Variants in DPP10 observed in about 807,000 individuals in gnomAD.
DPP10 encodes dipeptidyl peptidase like 10.
DPP10 carries 33 observed loss-of-function variants against 120.9 expected under a neutral mutation model. The observed-to-expected ratio is 0.27, with a 90% CI of 0.21 to 0.37. The LOEUF (loss-of-function observed/expected upper bound fraction) is 0.37, where lower values mean the gene tolerates loss of function less well. Among genes scored for constraint, DPP10 ranks in the 10% least tolerant of loss-of-function variants. The probability of loss-of-function intolerance (pLI) is 1.00; values close to 1 mark genes in which losing one functional copy is unlikely to be tolerated. For missense variants in DPP10, 816 were observed against 942.8 expected (o/e 0.87, Z 1.76); for synonymous variants, 337 against 326.1 (o/e 1.03, Z -0.36).
intron 1 of DPP10, among the ~76,000 whole-genome samples, chr2:115,305,730 C>T (rs1368946778): frequency 6.6e-6 from 1 of 151,500 alleles, no homozygotes; most frequent in African/African-American, 2.4e-5. Context: ...AGAGCAAGAC[C>T]CTCTCTCTAA....
intron 5 of DPP10, among the ~76,000 whole-genome samples, chr2:115,545,014 T>G (rs929605064): frequency 1.3e-5 from 2 of 152,012 alleles, no homozygotes; most frequent in Non-Finnish European, 2.9e-5. Context: ...CAGTGATTTT[T>G]ATGTCAGAGG....
At chr2:115,478,658 T>C (rs570326803) in intron 3 of DPP10, among the ~76,000 whole-genome samples, 40 of 152,220 alleles carry the variant, frequency 2.6e-4, no homozygotes, top group African/African-American at 7.5e-4. Flanking sequence ...ATATCTATGG[T>C]AAGGGATTAA....
chr2:115,761,165 G>T (rs1454411775), intron 11 of DPP10, among the ~76,000 whole-genome samples: 1 of 151,180 alleles, frequency 6.6e-6, no homozygotes, highest in Non-Finnish European at 1.5e-5. Flanking sequence ...CCAACACTTT[G>T]GGAGGCCAAG....
At chr2:114,572,109 C>G (rs1187690663) in intron 1 of DPP10, among the ~76,000 whole-genome samples, 1 of 151,620 alleles carries the variant, frequency 6.6e-6, no homozygotes, top group Non-Finnish European at 1.5e-5. Flanking sequence ...CTCACATACA[C>G]AAACATGTAT....
chr2:115,446,393 T>C (rs2072591268), intron 3 of DPP10, among the ~76,000 whole-genome samples: 1 of 152,070 alleles, frequency 6.6e-6, no homozygotes, highest in African/African-American at 2.4e-5. Flanking sequence ...AGGGCCACTG[T>C]CCTCCAGACC....
intron 4 of DPP10, among the ~76,000 whole-genome samples, chr2:115,502,192 G>A (rs2076717592): frequency 1.3e-5 from 2 of 151,912 alleles, no homozygotes; most frequent in African/African-American, 4.8e-5. Context: ...AAATATGATT[G>A]GTGTGTACTT....
intron 1 of DPP10, among the ~76,000 whole-genome samples, chr2:114,754,201 T>C (rs1328310226): frequency 1.3e-5 from 2 of 151,990 alleles, no homozygotes; most frequent in East Asian, 1.9e-4. Context: ...TAAGGATAGT[T>C]GAGGGATGGG....
intron 5 of DPP10, among the ~76,000 whole-genome samples, chr2:115,534,752 C>T (rs1347900235): frequency 6.7e-6 from 1 of 150,168 alleles, no homozygotes; most frequent in East Asian, 2.0e-4. Flanking sequence ...TCCTATTTCT[C>T]CACATCCTCT....
At chr2:114,713,916 C>T (rs1428283093) in intron 1 of DPP10, among the ~76,000 whole-genome samples, 4 of 149,636 alleles carry the variant, frequency 2.7e-5, no homozygotes, top group Admixed American at 6.7e-5. Flanking sequence ...ACTCAGGAGG[C>T]GGAGGTTGCA....
intron 1 of DPP10, among the ~76,000 whole-genome samples, chr2:115,040,791 C>T (rs35257673): frequency 0.021 from 3,264 of 152,178 alleles, 41 homozygotes; most frequent in Non-Finnish European, 0.034. Context: ...GTAAGATGAG[C>T]TTGCTCTCCT....
intron 5 of DPP10, among the ~76,000 whole-genome samples, chr2:115,566,416 CATTT>C (rs2081013682): frequency 6.6e-6 from 1 of 151,770 alleles, no homozygotes; most frequent in African/African-American, 2.4e-5. Context: ...CATTCTTTCC[CATTT>C]ATTCATTCAT....
At chr2:115,437,585 G>A (rs926084300) in intron 3 of DPP10, among the ~76,000 whole-genome samples, 13 of 152,136 alleles carry the variant, frequency 8.5e-5, no homozygotes, top group Admixed American at 6.6e-4. Context: ...ACAGATAAAC[G>A]TATATGTGGT....
chr2:115,657,489 T>C (rs2088480690), intron 5 of DPP10, among the ~76,000 whole-genome samples: 1 of 151,838 alleles, frequency 6.6e-6, no homozygotes. Context: ...GTATCTTTCT[T>C]TTATTGATCT....
intron 1 of DPP10, among the ~76,000 whole-genome samples, chr2:114,649,653 A>G (rs1258467264): frequency 6.6e-6 from 1 of 152,174 alleles, no homozygotes; most frequent in Non-Finnish European, 1.5e-5. Context: ...AAAGTTCATC[A>G]TACAATTAAA....
intron 1 of DPP10, among the ~76,000 whole-genome samples, chr2:114,691,866 G>A (rs956442705): frequency 6.6e-6 from 1 of 151,992 alleles, no homozygotes; most frequent in Non-Finnish European, 1.5e-5. Flanking sequence ...TATTTTATGT[G>A]CGTAGAGATG....
intron 2 of DPP10, among the ~76,000 whole-genome samples, chr2:115,315,582 G>A (rs149398118): frequency 1.2e-4 from 18 of 152,220 alleles, no homozygotes; most frequent in African/African-American, 3.9e-4. Flanking sequence ...TCCCCATTAT[G>A]CATTATGAGG....
At chr2:115,424,281 G>A (rs2070253838) in intron 3 of DPP10, among the ~76,000 whole-genome samples, 1 of 151,880 alleles carries the variant, frequency 6.6e-6, no homozygotes, top group Non-Finnish European at 1.5e-5. Flanking sequence ...AGTAGTTTTT[G>A]CATTAAGCCA....
intron 1 of DPP10, among the ~76,000 whole-genome samples, chr2:115,044,035 G>A (rs1704873108): frequency 6.6e-6 from 1 of 152,008 alleles, no homozygotes; most frequent in Admixed American, 6.6e-5. Context: ...TCCTTTCTTT[G>A]TGTTACAGAC....
chr2:115,546,660 T>G (rs2079520697), intron 5 of DPP10, among the ~76,000 whole-genome samples: 1 of 152,146 alleles, frequency 6.6e-6, no homozygotes, highest in Non-Finnish European at 1.5e-5. Flanking sequence ...ATAATTAAAC[T>G]TATCAAAGAC....
Sources: gnomAD v4.1 joint callset for allele counts (sites outside exome capture counted in the v4.1 genomes callset) on GRCh38, gnomAD v4.1.1 for gene constraint, MANE v1.5 for transcripts, NCBI Gene and HGNC (gene_info 2026-07-23, HGNC 2026-07-21) for gene names.